PADI2: variants seen among roughly 807,000 people sequenced by gnomAD.
PADI2 encodes the protein peptidyl arginine deiminase 2.
In PADI2, 70 loss-of-function variants were observed where a neutral mutation model predicts 81.1. That is an observed-to-expected ratio of 0.86 (90% CI 0.71 to 1.05). The LOEUF (loss-of-function observed/expected upper bound fraction) is 1.05, where lower values mean the gene tolerates loss of function less well. Among genes scored for constraint, PADI2 ranks in the 50% least tolerant of loss-of-function variants. The pLI is 0.00. For missense variants in PADI2, 853 were observed against 889.9 expected (o/e 0.96, Z 0.53); for synonymous variants, 338 against 358.0 (o/e 0.94, Z 0.63).
At chr1:17,094,744 T>C (rs1930845813) in intron 4 of PADI2, among the ~76,000 whole-genome samples, 1 of 152,268 alleles carries the variant, frequency 6.6e-6, no homozygotes, top group Non-Finnish European at 1.5e-5. Context: ...TTAAAAATTC[T>C]GGCCAAGTTC....
intron 11 of PADI2, among the ~76,000 whole-genome samples, chr1:17,077,455 G>A (rs1180198444): frequency 2.0e-5 from 3 of 152,098 alleles, no homozygotes; most frequent in African/African-American, 7.2e-5. Context: ...CTCCTCGAGG[G>A]GGTTCAGGGC....
chr1:17,097,927 A>T (rs1930997903), intron 3 of PADI2, among the ~76,000 whole-genome samples: 1 of 151,930 alleles, frequency 6.6e-6, no homozygotes, highest in African/African-American at 2.4e-5. Context: ...TTAGGGAGCC[A>T]CTCTGTCCTT....
At chr1:17,076,032 C>T (rs963673043) in intron 11 of PADI2, among the ~76,000 whole-genome samples, 3 of 152,088 alleles carry the variant, frequency 2.0e-5, no homozygotes, top group African/African-American at 4.8e-5. Context: ...GTTGCAGCTG[C>T]GGCCTGTGTG....
At chr1:17,082,210 GT>G (rs1201001068) in intron 10 of PADI2, among the ~76,000 whole-genome samples, 4 of 152,066 alleles carry the variant, frequency 2.6e-5, no homozygotes, top group Non-Finnish European at 4.4e-5. Context: ...GCATAACTAT[GT>G]TTTTTTCCTC....
chr1:17,079,921 G>A (rs1346644394), intron 10 of PADI2, among the ~76,000 whole-genome samples: 1 of 151,812 alleles, frequency 6.6e-6, no homozygotes, highest in African/African-American at 2.4e-5. Flanking sequence ...AGCCTCCCCA[G>A]TGGCTAGGAT....
At chr1:17,100,185 C>T (rs1024678566) in intron 3 of PADI2, among the ~76,000 whole-genome samples, 1 of 152,192 alleles carries the variant, frequency 6.6e-6, no homozygotes, top group African/African-American at 2.4e-5. Context: ...CAAGGGAAAC[C>T]AGATTTTCAC....
chr1:17,068,940 C>T lies in PADI2; in HGVS notation c.*104G>A, dbSNP rs937717655. 1.0e-5 allele frequency: 9 copies of T among 890,972 alleles called. No individual in the cohort carries two copies. In the South Asian group the frequency reaches 1.2e-4, roughly 12 times the overall value. The allele number at this position is 890,972 out of a possible 1,614,324, so 55.2% of individuals were successfully genotyped here. ...AAATTCCACCCCACGTCCCAAAGGTCTCCCAGCGGGGCTGTCCAGTCCATG... is the reference window on the plus strand; with the variant it reads ...AAATTCCACCCCACGTCCCAAAGGTTTCCCAGCGGGGCTGTCCAGTCCATG... On this transcript the variant is annotated 3_prime_UTR_variant, in exon 16 of 16. Transcript: ENST00000375486.
At position 17,074,879 on chromosome 1, in the gene PADI2, T is replaced by C. The variant is rs752127007; in HGVS notation, c.1526A>G (p.His509Arg). 17 of 1,612,640 alleles carry C rather than the reference T, an allele frequency of 1.1e-5. No homozygotes were observed. The South Asian group carries it at 1.2e-4, about 11-fold the overall frequency. The change falls in exon 13 of 16, where the codon CAT becomes CGT. Residue 509 changes from histidine (H) to arginine (R), a missense_variant. Transcript: ENST00000375486. ...KLFREKQKDGHGEAIMFKGLG... is the reference protein window; with the variant it reads ...KLFREKQKDGRGEAIMFKGLG... ...ACCTTTGAACATGATGGCCTCTCCA[T>C]GGCCGTCCTTCTGCTTCTCTCGGAA...
chr1:17,100,691 T>C (rs190899307), intron 3 of PADI2, among the ~76,000 whole-genome samples: 3 of 149,198 alleles, frequency 2.0e-5, no homozygotes, highest in African/African-American at 7.4e-5. Context: ...AGACAAAGTC[T>C]CGCTCTGTCG....
In PADI2 at chr1:17,093,724, T is replaced by G. The variant is rs143212954; in HGVS notation, c.412-40A>C. 4.6e-5 allele frequency: 56 copies of G among 1,227,048 alleles called. 1 individual carries two copies. The South Asian group carries it at 6.8e-4, about 15-fold the overall frequency. 76.0% of individuals were successfully genotyped at this position (1,227,048 alleles called of 1,614,324 possible). A position where few individuals can be genotyped will look rare whatever the true frequency, so the allele number is the denominator to read the frequency against. ...AGAAAGGTCAGTGCCCTCTTCTCTATGCTTGTATAGACCCCATGGGACACT... is the reference window on the plus strand; with the variant it reads ...AGAAAGGTCAGTGCCCTCTTCTCTAGGCTTGTATAGACCCCATGGGACACT... On this transcript the variant is annotated intron_variant, in intron 4 of 15. Transcript: ENST00000375486.
chr1:17,093,166 G>T (rs1274818255), intron 5 of PADI2, among the ~76,000 whole-genome samples: 1 of 151,016 alleles, frequency 6.6e-6, no homozygotes, highest in Admixed American at 6.6e-5. Flanking sequence ...CATGATCTTG[G>T]CTCACTGCAA....
chr1:17,090,143 A>T (rs1930632243), intron 6 of PADI2, among the ~76,000 whole-genome samples: 1 of 152,188 alleles, frequency 6.6e-6, no homozygotes, highest in South Asian at 2.1e-4. Context: ...GTCCACTCCA[A>T]TCATTGTAAC....
intron 7 of PADI2, among the ~76,000 whole-genome samples, chr1:17,084,949 C>A (rs1240701469): frequency 6.6e-6 from 1 of 152,252 alleles, no homozygotes; most frequent in Non-Finnish European, 1.5e-5. Context: ...CTGTTAACCG[C>A]CCAAGGTCAC....
At chr1:17,095,562 C>T (rs1270334746) in intron 4 of PADI2, among the ~76,000 whole-genome samples, 2 of 152,196 alleles carry the variant, frequency 1.3e-5, no homozygotes, top group African/African-American at 4.8e-5. Flanking sequence ...TCCTGAGGGT[C>T]TGTCTCCCCC....
chr1:17,110,224 G>A (rs1191956932), intron 1 of PADI2, among the ~76,000 whole-genome samples: 1 of 152,176 alleles, frequency 6.6e-6, no homozygotes, highest in African/African-American at 2.4e-5. Context: ...AGGCTGCAGG[G>A]AGGGGCCCAG....
chr1:17,103,944 A>T (rs1401246428), intron 2 of PADI2, among the ~76,000 whole-genome samples: 1 of 151,898 alleles, frequency 6.6e-6, no homozygotes, highest in Non-Finnish European at 1.5e-5. Context: ...TGATCGCACC[A>T]CTGCACTCCA....
At chr1:17,108,164 G>C (rs967672898) in intron 1 of PADI2, among the ~76,000 whole-genome samples, 4 of 151,858 alleles carry the variant, frequency 2.6e-5, no homozygotes, top group Non-Finnish European at 5.9e-5. Flanking sequence ...GGCCAGGCTG[G>C]TCTTGAACTC....
intron 10 of PADI2, among the ~76,000 whole-genome samples, chr1:17,081,406 G>A (rs1049026044): frequency 1.3e-5 from 2 of 152,230 alleles, no homozygotes; most frequent in African/African-American, 4.8e-5. Flanking sequence ...TCACATGGCT[G>A]CTAAGAGGTG....
Position 17,083,777 on chromosome 1 carries a change from A to T in PADI2, c.999T>A (p.Cys333Ter). 6.2e-7 allele frequency: 1 copy of T among 1,613,828 alleles called. No individual in the cohort carries two copies. Among genetic ancestry groups the T allele is most frequent in the Non-Finnish European group, 8.5e-7 (1 of 1,179,710 alleles). Residue 333 changes from cysteine (C) to a stop codon, truncating the protein, a stop_gained, in exon 9 of 16, where the codon TGT becomes TGA. Transcript: ENST00000375486. LOFTEE classifies it high-confidence loss of function. ...GGTACTGGAAGCAGACCTTCAGCTCACAGTTGGTTTTCTCCACAAGGTTCT... is the reference window on the plus strand; with the variant it reads ...GGTACTGGAAGCAGACCTTCAGCTCTCAGTTGGTTTTCTCCACAAGGTTCT... ...EVKNLVEKTN[C>*]ELKVCFQYLN...
Sources: allele counts gnomAD v4.1 joint callset (sites outside exome capture counted in the v4.1 genomes callset), GRCh38; gene constraint gnomAD v4.1.1; transcripts MANE v1.5; gene names NCBI Gene and HGNC (gene_info 2026-07-23, HGNC 2026-07-21).